DDX60L: variants seen among roughly 807,000 people sequenced by gnomAD.
DDX60L encodes probable ATP-dependent RNA helicase DDX60-like.
Under a neutral mutation model 211.6 loss-of-function variants are expected in DDX60L, and 191 were observed. The ratio of observed to expected loss-of-function variants is 0.90; its 90% CI spans 0.80 to 1.02. The LOEUF (loss-of-function observed/expected upper bound fraction) is 1.02. Among genes scored for constraint, DDX60L ranks in the 50% least tolerant of loss-of-function variants. The pLI, the probability that DDX60L is intolerant of heterozygous loss-of-function variation, is 0.00. For synonymous variants in DDX60L, 706 were observed against 694.1 expected (o/e 1.02, Z -0.27); for missense variants, 2,007 against 1,984.1 (o/e 1.01, Z -0.22).
At chr4:168,374,329 A>C (rs1741559503) in intron 34 of DDX60L, among the ~76,000 whole-genome samples, 1 of 152,164 alleles carries the variant, frequency 6.6e-6, no homozygotes, top group African/African-American at 2.4e-5. Flanking sequence ...TTGAGTAGCT[A>C]CAATGCTTAC....
chr4:168,402,546 T>C (rs1296007757), intron 25 of DDX60L, among the ~76,000 whole-genome samples: 1 of 152,206 alleles, frequency 6.6e-6, no homozygotes, highest in Non-Finnish European at 1.5e-5. Flanking sequence ...TTAGTTATTA[T>C]CTCCATTTTT....
At position 168,441,321 on chromosome 4, in the gene DDX60L, T is replaced by A; in HGVS notation, c.1294+16A>T. On this transcript the variant is annotated intron_variant, in intron 10 of 37. Coordinates refer to ENST00000682922, the MANE Select transcript of DDX60L (RefSeq NM_001012967.3). Reference sequence around the variant, plus strand: ...CAAACATGCTTTTGTTCCACTTTAATTTACCCATTTAGTACCTTGAATGAC... The same window carrying A: ...CAAACATGCTTTTGTTCCACTTTAAATTACCCATTTAGTACCTTGAATGAC... The A allele has an allele frequency of 6.4e-7, 1 of 1,569,668 alleles. No homozygotes were observed. The highest frequency in any genetic ancestry group is 8.6e-7 in the Non-Finnish European group (1 of 1,156,656).
At chr4:168,403,908 A>G in intron 25 of DDX60L, 74 bp downstream of exon 25, 1 of 886,304 alleles carries the variant, frequency 1.1e-6, no homozygotes, top group Non-Finnish European at 1.6e-6. Flanking sequence ...TATATAAATG[A>G]GACTAATTGA....
intron 7 of DDX60L, among the ~76,000 whole-genome samples, chr4:168,455,205 T>C (rs1756373002): frequency 6.6e-6 from 1 of 151,890 alleles, no homozygotes; most frequent in Non-Finnish European, 1.5e-5. Flanking sequence ...ATTTCTTTTA[T>C]TGCTGTTTGT....
intron 10 of DDX60L, among the ~76,000 whole-genome samples, chr4:168,433,666 G>A (rs1422445107): frequency 6.6e-6 from 1 of 152,130 alleles, no homozygotes; most frequent in Non-Finnish European, 1.5e-5. Flanking sequence ...CAAAACTGTA[G>A]ATGAAAAAAT....
intron 6 of DDX60L, among the ~76,000 whole-genome samples, 174 bp downstream of exon 6, chr4:168,457,718 C>T (rs933893269): frequency 6.6e-6 from 1 of 152,054 alleles, no homozygotes; most frequent in African/African-American, 2.4e-5. Context: ...ATATGCCATC[C>T]GATGAATTCA....
intron 26 of DDX60L, among the ~76,000 whole-genome samples, chr4:168,396,973 A>C (rs1745913117): frequency 6.6e-6 from 1 of 152,192 alleles, no homozygotes; most frequent in African/African-American, 2.4e-5. Flanking sequence ...GTGATATCAG[A>C]AGGTGGGGTC....
intron 9 of DDX60L, among the ~76,000 whole-genome samples, chr4:168,442,291 G>T (rs12513291): frequency 4.6e-5 from 7 of 152,038 alleles, no homozygotes; most frequent in Non-Finnish European, 8.8e-5. Context: ...CTGCACTTTT[G>T]CGACGGGCTT....
At chr4:168,466,563 G>C (rs1758015158) in intron 4 of DDX60L, among the ~76,000 whole-genome samples, 1 of 152,124 alleles carries the variant, frequency 6.6e-6, no homozygotes, top group African/African-American at 2.4e-5. Flanking sequence ...TTCGAAAATA[G>C]AGGAATAAAA....
intron 1 of DDX60L, among the ~76,000 whole-genome samples, chr4:168,479,479 G>A (rs1199245372): frequency 6.6e-6 from 1 of 152,090 alleles, no homozygotes; most frequent in East Asian, 1.9e-4. Flanking sequence ...GGTTCTGACC[G>A]CTTTTTCTAG....
At chr4:168,382,796 T>C (rs952448458) in intron 30 of DDX60L, among the ~76,000 whole-genome samples, 3 of 152,070 alleles carry the variant, frequency 2.0e-5, no homozygotes, top group Non-Finnish European at 2.9e-5. Context: ...AATCAACATA[T>C]AAAAAGAATG....
chr4:168,373,592 C>A, intron 35 of DDX60L, 74 bp downstream of exon 35: 4 of 1,477,548 alleles, frequency 2.7e-6, no homozygotes, highest in Non-Finnish European at 3.7e-6. Context: ...GAGGTCCTAT[C>A]AAGGCTTCAC....
chr4:168,472,420 GTA>G, intron 3 of DDX60L, 33 bp downstream of exon 3: 2 of 1,414,330 alleles, frequency 1.4e-6, no homozygotes, highest in Non-Finnish European at 2.0e-6. Flanking sequence ...GCATACAATA[GTA>G]TAGCTCCTTC....
At chr4:168,405,837 TA>T in intron 24 of DDX60L, 112 bp downstream of exon 24, 1 of 1,212,758 alleles carries the variant, frequency 8.2e-7, no homozygotes, top group Non-Finnish European at 1.1e-6. Flanking sequence ...ATGGAATTAC[TA>T]AAACAAAAAT....
rs1757357291 is a variant in DDX60L, at chr4:168,461,833, A to G, written c.472T>C (p.Phe158Leu). 6.2e-7 allele frequency: 1 copy of G among 1,608,748 alleles called. No individual in the cohort carries two copies. The highest frequency in any genetic ancestry group is 2.2e-5 in the East Asian group (1 of 44,806). ...EGLSDLQTYL[F>L]NFLIIHSWGM... ...CAGGAATGTATGATTAGGAAGTTAA[A>G]AAGGTACGTTTGTAAATCACTCAGG... Residue 158 changes from phenylalanine (F) to leucine (L), a missense_variant, in exon 5 of 38, where the codon TTT becomes CTT. Phe to Leu is a conservative substitution (Grantham distance 22). Transcript: ENST00000682922.
intron 5 of DDX60L, among the ~76,000 whole-genome samples, chr4:168,460,709 T>A (rs4345134): frequency 6.6e-6 from 1 of 152,018 alleles, no homozygotes; most frequent in Admixed American, 6.5e-5. Flanking sequence ...AATTCCATTC[T>A]GACACTAACT....
rs770525820 is a variant in DDX60L at position 168,421,770 on chromosome 4, G to A, written c.2384C>T (p.Ala795Val). 1.2e-6 allele frequency: 2 copies of A among 1,614,038 alleles called. No homozygotes were observed. The highest frequency in any genetic ancestry group is 4.5e-5 in the East Asian group (2 of 44,886). ...ESDVGVVVYVAPAKSLVGQVA... is the reference protein window; with the variant it reads ...ESDVGVVVYVVPAKSLVGQVA... Reference sequence around the variant, plus strand: ...TCATTCAAACACTACCTTTGCGGGTGCAACGTACACAACCACCCCGACATC... The same window carrying A: ...TCATTCAAACACTACCTTTGCGGGTACAACGTACACAACCACCCCGACATC... The change falls in exon 17 of 38, where the codon GCA (alanine) becomes GTA (valine). Residue 795 changes from alanine to valine, a missense_variant. Coordinates refer to ENST00000682922, the MANE Select transcript of DDX60L (RefSeq NM_001012967.3).
At chr4:168,459,494 G>A (rs1203596096) in intron 5 of DDX60L, among the ~76,000 whole-genome samples, 3 of 152,050 alleles carry the variant, frequency 2.0e-5, no homozygotes, top group African/African-American at 4.8e-5. Context: ...GCTCACGCCT[G>A]CAATCCCAGC....
intron 19 of DDX60L, 57 bp from the exon 20 acceptor site, chr4:168,416,854 T>C: frequency 2.0e-6 from 2 of 977,992 alleles, no homozygotes; most frequent in Non-Finnish European, 3.1e-6. Context: ...AAATAAAAAA[T>C]AGAAGCATAA....
Sources: allele counts gnomAD v4.1 joint callset (sites outside exome capture counted in the v4.1 genomes callset), GRCh38; gene constraint gnomAD v4.1.1; transcripts MANE v1.5; gene names NCBI Gene and HGNC (gene_info 2026-07-23, HGNC 2026-07-21).